FAM228B: variants seen among roughly 807,000 people sequenced by gnomAD.
FAM228B encodes protein FAM228B.
A neutral mutation model predicts 42.6 loss-of-function variants in FAM228B; 38 were observed. The observed-to-expected ratio is 0.89, with a 90% CI of 0.69 to 1.17. FAM228B has a LOEUF of 1.17. Among genes scored for constraint, FAM228B ranks in the 50% most tolerant of loss-of-function variants. FAM228B has a pLI of 0.00. For missense variants in FAM228B, 344 were observed against 367.3 expected (o/e 0.94, Z 0.52); for synonymous variants, 109 against 122.3 (o/e 0.89, Z 0.72).
At chr2:24,115,623 C>G (rs777158237) in intron 3 of FAM228B, 1 of 1,612,244 alleles carries the variant, frequency 6.2e-7, no homozygotes, top group Non-Finnish European at 8.5e-7. Flanking sequence ...TGAAAGCAAA[C>G]ACAGCATGGT....
At chr2:24,113,485 G>A (rs1013787636) in intron 3 of FAM228B, among the ~76,000 whole-genome samples, 8 of 152,236 alleles carry the variant, frequency 5.3e-5, no homozygotes, top group Non-Finnish European at 1.0e-4. Flanking sequence ...TGGAAGCATC[G>A]CTTGAGCTTA....
chr2:24,137,442 T>A (rs1327646063), intron 3 of FAM228B, among the ~76,000 whole-genome samples: 1 of 152,216 alleles, frequency 6.6e-6, no homozygotes, highest in Non-Finnish European at 1.5e-5. Context: ...CATATATCCA[T>A]CATATATAAA....
upstream of FAM228B, chr2:24,119,685 G>A (rs199880427): frequency 1.6e-4 from 249 of 1,601,304 alleles, no homozygotes; most frequent in Admixed American, 2.2e-4. Context: ...GTGTTCTCCT[G>A]TATAAAGAAT....
intron 7 of FAM228B, among the ~76,000 whole-genome samples, chr2:24,158,713 C>T (rs1362550074): frequency 2.6e-5 from 4 of 151,902 alleles, no homozygotes; most frequent in South Asian, 4.2e-4. Flanking sequence ...AAACAGAGAT[C>T]GATATGATGA....
intron 2 of FAM228B, among the ~76,000 whole-genome samples, chr2:24,124,902 G>C (rs1666267961): frequency 6.6e-6 from 1 of 152,104 alleles, no homozygotes; most frequent in African/African-American, 2.4e-5. Flanking sequence ...TCTCTACACT[G>C]TGTCGCCTAG....
Position 24,146,728 on chromosome 2 carries a change from A to C in FAM228B, c.442-20A>C. On this transcript the variant is annotated intron_variant, in intron 5 of 10. Transcript: ENST00000615575. ...ACTCAGACTTGCAACTCAGTGCTTAAACAAGTGCCTCTCTTGTAGGTTACC... is the reference window on the plus strand; with the variant it reads ...ACTCAGACTTGCAACTCAGTGCTTACACAAGTGCCTCTCTTGTAGGTTACC... The C allele has an allele frequency of 6.6e-7, 1 of 1,520,046 alleles. No homozygotes were observed. The highest frequency in any genetic ancestry group is 8.9e-7 in the Non-Finnish European group (1 of 1,121,680). The allele number at this position is 1,520,046 out of a possible 1,614,324, so 94.2% of individuals were successfully genotyped here.
intron 2 of FAM228B, chr2:24,082,932 G>A (rs1204419523): frequency 1.2e-6 from 2 of 1,613,292 alleles, no homozygotes; most frequent in Non-Finnish European, 8.5e-7. Flanking sequence ...CTCTGGGATG[G>A]CTGCAGCCTG....
At chr2:24,150,966 A>G (rs1319950935) in intron 7 of FAM228B, among the ~76,000 whole-genome samples, 3 of 152,206 alleles carry the variant, frequency 2.0e-5, no homozygotes, top group East Asian at 1.9e-4. Flanking sequence ...GAATGTTGAT[A>G]TCTTTCTCTA....
In FAM228B at chr2:24,077,548, G is replaced by A. The variant is rs1664804230; in HGVS notation, c.-290+579G>A. ...CAGGTTTGCTCTGGAAAGGCCTGGG[G>A]TGGCCGCGTCCTGTCCTGCCCCATC... On this transcript the variant is annotated intron_variant, in intron 1 of 10. Transcript: ENST00000613899. This position sits in a 1 kb window ranked among gnomAD's most constrained non-coding sequence, Gnocchi z 5.5. 8.8e-6 allele frequency: 14 copies of A among 1,592,966 alleles called. No homozygotes were observed. Among genetic ancestry groups the A allele is most frequent in the Non-Finnish European group, 1.1e-5 (13 of 1,170,488 alleles).
chr2:24,164,461 G>A, intron 9 of FAM228B, 126 bp downstream of exon 9: 2 of 1,064,946 alleles, frequency 1.9e-6, no homozygotes, highest in South Asian at 1.7e-5. Flanking sequence ...TGGGGAATAG[G>A]TTAGAAGCAG....
At chr2:24,126,687 T>A (rs1038067340) in intron 2 of FAM228B, among the ~76,000 whole-genome samples, 1 of 151,812 alleles carries the variant, frequency 6.6e-6, no homozygotes, top group Non-Finnish European at 1.5e-5. Flanking sequence ...CTCAGCTCAC[T>A]GCAAACTCTG....
chr2:24,122,414 C>G (rs1666147188), upstream of FAM228B: 2 of 1,599,246 alleles, frequency 1.3e-6, no homozygotes, highest in African/African-American at 2.7e-5. Flanking sequence ...CTTGTTTTTT[C>G]TTACATTGAA....
chr2:24,127,509 G>A (rs1666344960), intron 2 of FAM228B, among the ~76,000 whole-genome samples: 1 of 152,070 alleles, frequency 6.6e-6, no homozygotes, highest in Non-Finnish European at 1.5e-5. Context: ...TTAACTTTTT[G>A]AGGAACTGCT....
intron 2 of FAM228B, among the ~76,000 whole-genome samples, chr2:24,083,609 C>A (rs1443778441): frequency 6.6e-6 from 1 of 152,164 alleles, no homozygotes; most frequent in Non-Finnish European, 1.5e-5. Context: ...GCCCCCATCA[C>A]GTTTCTTTTG....
rs571945615 is a variant in FAM228B, at chr2:24,167,184, C to T, written c.933-443C>T. ...CGTCAAGGCAGTTGAGGGTTCCAGGCCAGGTGAGAGCGAGGGCTCCAGGCT... is the reference window on the plus strand; with the variant it reads ...CGTCAAGGCAGTTGAGGGTTCCAGGTCAGGTGAGAGCGAGGGCTCCAGGCT... On this transcript the variant is annotated intron_variant, in intron 9 of 10. Coordinates refer to ENST00000615575, the MANE Select transcript of FAM228B (RefSeq NM_001145710.2). 2.8e-3 allele frequency among the ~76,000 whole-genome samples: 432 copies of T among 152,216 alleles called. 2 individuals carry two copies. Among genetic ancestry groups the T allele is most frequent in the Non-Finnish European group, 5.0e-3 (343 of 68,002 alleles).
intron 7 of FAM228B, among the ~76,000 whole-genome samples, chr2:24,151,932 G>A (rs902442794): frequency 2.0e-5 from 3 of 152,042 alleles, no homozygotes; most frequent in African/African-American, 7.2e-5. Context: ...GCAGTGGCAT[G>A]ATCTCAGCTC....
intron 7 of FAM228B, among the ~76,000 whole-genome samples, chr2:24,158,238 A>G (rs1385827880): frequency 1.3e-5 from 1 of 79,782 alleles, no homozygotes; most frequent in Non-Finnish European, 2.3e-5. Flanking sequence ...CCAAGACTCT[A>G]TTAAAATGCC....
chr2:24,148,587 A>T (rs776897715), intron 7 of FAM228B, among the ~76,000 whole-genome samples: 5 of 151,920 alleles, frequency 3.3e-5, no homozygotes, highest in Non-Finnish European at 7.4e-5. Flanking sequence ...TGTAAATTTA[A>T]TTTTTGTAGG....
intron 2 of FAM228B, among the ~76,000 whole-genome samples, chr2:24,090,865 A>C (rs1302911596): frequency 3.3e-5 from 5 of 152,180 alleles, no homozygotes; most frequent in Non-Finnish European, 7.3e-5. Context: ...ATCACAGCTC[A>C]CTGCAGCCTT....
Sources: allele counts gnomAD v4.1 joint callset (sites outside exome capture counted in the v4.1 genomes callset), GRCh38; gene constraint gnomAD v4.1.1; non-coding constraint Gnocchi (gnomAD v3.1); transcripts MANE v1.5; gene names NCBI Gene and HGNC (gene_info 2026-07-23, HGNC 2026-07-21).